TBC1D22A: variants seen among roughly 807,000 people sequenced by gnomAD.
The protein encoded by TBC1D22A is putative GTPase activator.
A neutral mutation model predicts 60.2 loss-of-function variants in TBC1D22A; 38 were observed. The observed-to-expected ratio is 0.63, with a 90% confidence interval of 0.49 to 0.83. The LOEUF (loss-of-function observed/expected upper bound fraction) is 0.83, where lower values mean the gene tolerates loss of function less well. Among genes scored for constraint, TBC1D22A ranks in the 40% least tolerant of loss-of-function variants. The probability of loss-of-function intolerance (pLI) is 0.00; values close to 1 mark genes in which losing one functional copy is unlikely to be tolerated. For synonymous variants in TBC1D22A, 302 were observed against 281.7 expected, an observed-to-expected ratio of 1.07 and a Z score of -0.72; for missense variants, 628 against 701.0, an observed-to-expected ratio of 0.90 and a Z score of 1.18.
chr22:47,101,397 T>C (rs534898721), intron 11 of TBC1D22A, among the ~76,000 whole-genome samples: 9 of 152,338 alleles, frequency 5.9e-5, no homozygotes, highest in African/African-American at 1.9e-4. Context: ...CTCTAGAGCC[T>C]GTCACTGCCC....
chr22:47,021,633 C>T (rs539386492), intron 10 of TBC1D22A, among the ~76,000 whole-genome samples: 10 of 151,962 alleles, frequency 6.6e-5, no homozygotes, highest in Non-Finnish European at 8.8e-5. Context: ...TCGCCTGGAG[C>T]TCTGAGCAGG....
intron 4 of TBC1D22A, among the ~76,000 whole-genome samples, chr22:46,819,364 TG>T (rs2085732723): frequency 6.6e-6 from 1 of 152,188 alleles, no homozygotes; most frequent in Non-Finnish European, 1.5e-5. Context: ...ATATTGGCTG[TG>T]GGTTCATCAT....
At chr22:46,856,610 A>G (rs544788174) in intron 4 of TBC1D22A, among the ~76,000 whole-genome samples, 1 of 152,214 alleles carries the variant, frequency 6.6e-6, no homozygotes. Context: ...GTGACTAACA[A>G]ATGATTAGGG....
chr22:46,849,404 C>T (rs2087168049), intron 4 of TBC1D22A, among the ~76,000 whole-genome samples: 1 of 152,226 alleles, frequency 6.6e-6, no homozygotes, highest in African/African-American at 2.4e-5. Context: ...GTGGAGGCCT[C>T]AGATCCCATT....
intron 11 of TBC1D22A, among the ~76,000 whole-genome samples, chr22:47,062,293 G>A (rs1027379476): frequency 2.6e-5 from 4 of 151,956 alleles, no homozygotes; most frequent in Non-Finnish European, 4.4e-5. Context: ...TGGGTGTCCC[G>A]GCAGTCTGTG....
intron 12 of TBC1D22A, among the ~76,000 whole-genome samples, chr22:47,158,010 G>T (rs1468706505): frequency 1.3e-5 from 2 of 152,178 alleles, no homozygotes; most frequent in Non-Finnish European, 1.5e-5. Flanking sequence ...CCTCCAGCCG[G>T]CAGGCGTGCC....
Position 47,009,464 on chromosome 22 carries a change from CCATCGTCATCACTATCACCATCATTT to C in TBC1D22A, c.1201+11760_1201+11785del, listed in dbSNP as rs1292182441. On this transcript the variant is annotated intron_variant, in intron 10 of 12. Transcript: ENST00000337137. This position sits in a 1 kb window ranked among gnomAD's most constrained non-coding sequence, Gnocchi z 5.8. ...ACCATCACCATCATTTCTGTCATCA[CCATCGTCATCACTATCACCATCATTT>C]CATCACCATCATCACCACCATCATC... 2.8e-5 allele frequency among the ~76,000 whole-genome samples: 4 copies of C among 144,558 alleles called. No individual in the cohort carries two copies. Among genetic ancestry groups the C allele is most frequent in the Non-Finnish European group, 6.2e-5 (4 of 64,450 alleles). 94.8% of individuals were successfully genotyped at this position (144,558 alleles called of 152,430 possible). A position where few individuals can be genotyped will look rare whatever the true frequency, so the allele number is the denominator to read the frequency against.
intron 4 of TBC1D22A, among the ~76,000 whole-genome samples, chr22:46,839,485 A>T (rs541274870): frequency 1.3e-5 from 2 of 152,198 alleles, no homozygotes; most frequent in Non-Finnish European, 1.5e-5. Context: ...ATGTGTATGA[A>T]TGGGAAAAAT....
In TBC1D22A at chr22:46,793,552, G is replaced by T. The variant is rs761408273; in HGVS notation, c.171G>T (p.Arg57Ser). Residue 57 changes from arginine to serine, a missense_variant, in exon 3 of 13, where the codon AGG becomes AGT. Transcript: ENST00000337137. ...CGACCACACCAGTGAAGGCCAAGAG[G>T]GTCAGCACCTTCCAGGAGTTTGAGA... ...KMPTTPVKAK[R>S]VSTFQEFESN... The T allele has an allele frequency of 1.2e-6, 2 of 1,614,172 alleles. No homozygotes were observed. Among genetic ancestry groups the T allele is most frequent in the Non-Finnish European group, 1.7e-6 (2 of 1,180,042 alleles).
intron 10 of TBC1D22A, among the ~76,000 whole-genome samples, chr22:47,012,225 G>T (rs2061772423): frequency 6.6e-6 from 1 of 152,182 alleles, no homozygotes; most frequent in Non-Finnish European, 1.5e-5. Context: ...GGTGATGCCT[G>T]CCAGGGTGCT....
At chr22:47,088,080 A>AAAT (rs58677307) in intron 11 of TBC1D22A, among the ~76,000 whole-genome samples, 67,331 of 121,224 alleles carry the variant, frequency 0.56, 15,322 homozygotes, top group African/African-American at 0.62. Flanking sequence ...CTCAAATAAA[A>AAAT]AATAATAATA....
rs181513706 is a variant in TBC1D22A, at chr22:46,976,707, C to T, written c.1125+2308C>T. On this transcript the variant is annotated intron_variant, in intron 9 of 12. Transcript: ENST00000337137. ...AAGCACCCTCTTCACCACATCATCG[C>T]CCTGATTGAAACCCTTGGGGAAGCT... Among the ~76,000 whole-genome samples the T allele has an allele frequency of 2.6e-3, 396 of 152,320 alleles. 2 individuals are homozygous for T. Among genetic ancestry groups the T allele is most frequent in the African/African-American group, 9.0e-3 (374 of 41,576 alleles).
At chr22:46,907,293 T>A (rs988032894) in intron 7 of TBC1D22A, among the ~76,000 whole-genome samples, 1 of 152,224 alleles carries the variant, frequency 6.6e-6, no homozygotes, top group African/African-American at 2.4e-5. Flanking sequence ...TCCCTGTCCC[T>A]TTCAATGGAG....
intron 4 of TBC1D22A, among the ~76,000 whole-genome samples, chr22:46,875,425 C>G (rs2067508805): frequency 6.6e-6 from 1 of 152,010 alleles, no homozygotes; most frequent in Non-Finnish European, 1.5e-5. Flanking sequence ...TAGACATGTT[C>G]TGTGTCTTGT....
intron 7 of TBC1D22A, among the ~76,000 whole-genome samples, chr22:46,900,947 T>C (rs144717537): frequency 2.8e-4 from 43 of 152,260 alleles, no homozygotes; most frequent in Non-Finnish European, 5.3e-4. Context: ...GACTTGTGAT[T>C]TTAATCTTTA....
chr22:46,886,839 A>G (rs1441269386), intron 5 of TBC1D22A, among the ~76,000 whole-genome samples: 1 of 152,218 alleles, frequency 6.6e-6, no homozygotes, highest in Admixed American at 6.5e-5. Flanking sequence ...GATAGGGCAA[A>G]AGCAGCCACA....
At chr22:47,024,847 C>T (rs1569351268) in intron 10 of TBC1D22A, among the ~76,000 whole-genome samples, 1 of 151,996 alleles carries the variant, frequency 6.6e-6, no homozygotes, top group Non-Finnish European at 1.5e-5. Flanking sequence ...ACACCCTGTC[C>T]CCTGTCTCAA....
chr22:46,998,551 C>T (rs1019143610), intron 10 of TBC1D22A, among the ~76,000 whole-genome samples: 2 of 152,232 alleles, frequency 1.3e-5, no homozygotes, highest in Non-Finnish European at 2.9e-5. Flanking sequence ...AGGGCCCTGC[C>T]CGCTGAGCGT....
Position 46,762,703 on chromosome 22 carries a change from C to A in TBC1D22A, c.-84C>A, listed in dbSNP as rs118038913. 5.8e-4 allele frequency: 728 copies of A among 1,261,330 alleles called. 15 individuals are homozygous for A. The East Asian group carries it at 0.023, about 39-fold the overall frequency. The allele number at this position is 1,261,330 out of a possible 1,614,324, so 78.1% of individuals were successfully genotyped here. A position where few individuals can be genotyped will look rare whatever the true frequency, so the allele number is the denominator to read the frequency against. The stretch of plus-strand genomic sequence containing the variant: ...AGTCCCGGGAGCAGTGAGGGGCCAC[C>A]CGGGGCACAGGAAAGGGCCGCTAGG... On this transcript the variant is annotated 5_prime_UTR_variant, in exon 1 of 13. Coordinates refer to ENST00000337137, the MANE Select transcript of TBC1D22A (RefSeq NM_014346.5).
Sources: allele counts gnomAD v4.1 joint callset (sites outside exome capture counted in the v4.1 genomes callset), GRCh38; gene constraint gnomAD v4.1.1; non-coding constraint Gnocchi (gnomAD v3.1); transcripts MANE v1.5; gene names NCBI Gene and HGNC (gene_info 2026-07-23, HGNC 2026-07-21).